The following SPATC1L variants were observed in gnomAD, a reference collection of about 807,000 sequenced individuals.
SPATC1L encodes speriolin-like protein.
A neutral mutation model predicts 21.2 loss-of-function variants in SPATC1L; 20 were observed. The observed-to-expected ratio is 0.94, with a 90% confidence interval of 0.66 to 1.37. The LOEUF (loss-of-function observed/expected upper bound fraction) is 1.37, where lower values mean the gene tolerates loss of function less well. SPATC1L is among the 40% of genes most tolerant of loss of function. The pLI, the probability that SPATC1L is intolerant of heterozygous loss-of-function variation, is 0.00. For missense variants in SPATC1L, 499 were observed against 478.7 expected (o/e 1.04, Z -0.40); for synonymous variants, 290 against 234.5 (o/e 1.24, Z -2.16).
chr21:46,173,255 C>T (rs1444100985), intron 2 of SPATC1L, among the ~76,000 whole-genome samples: 2 of 152,184 alleles, frequency 1.3e-5, no homozygotes, highest in Admixed American at 6.5e-5. Context: ...CCTGGCCATG[C>T]CTGCTTGCAG....
chr21:46,181,785 G>A lies in SPATC1L; in HGVS notation c.193+839C>T, dbSNP rs933828682. ...ACCACGTCCTTTCCGGGCCCGGCCC[G>A]GTGGGAAGCTGAGGTTGGCCGTGGG... is the stretch of plus-strand genomic sequence containing the variant. On this transcript the variant is annotated intron_variant, in intron 2 of 4. Transcript: ENST00000291672. 3.9e-5 allele frequency among the ~76,000 whole-genome samples: 6 copies of A among 152,152 alleles called. No individual in the cohort carries two copies. In the South Asian group the frequency reaches 8.3e-4, roughly 21 times the overall value.
At position 46,168,481 on chromosome 21, in the gene SPATC1L, T is replaced by C; in HGVS notation, c.371A>G (p.His124Arg). The change falls in exon 3 of 5, where the codon CAT becomes CGT. Residue 124 changes from histidine (H) to arginine (R), a missense_variant. Transcript: ENST00000291672. ...CTTCCTGTCGGTGCCTCGGTGGCTA[T>C]GTGGCTCTGGGGGACTGAGGAAGGC... Reference protein sequence around the residue: ...FKAFLSPPEPHSHRGTDRKLS... With the variant: ...FKAFLSPPEPRSHRGTDRKLS... The C allele has an allele frequency of 2.5e-6, 4 of 1,574,388 alleles. No homozygotes were observed. Among genetic ancestry groups the C allele is most frequent in the East Asian group, 2.4e-5 (1 of 42,302 alleles).
chr21:46,182,879 G>A lies in SPATC1L; in HGVS notation c.-63C>T. 1 of 1,433,290 alleles carries A rather than the reference G, an allele frequency of 7.0e-7. No individual in the cohort carries two copies. 88.8% of individuals were successfully genotyped at this position (1,433,290 alleles called of 1,614,324 possible). ...AGCCCCATGGAGGTGGGAGCCCAGA[G>A]CCCGCAGGCACCACAGAAACAGCCC... On this transcript the variant is annotated 5_prime_UTR_variant, in exon 2 of 5. Transcript: ENST00000291672.
In SPATC1L at chr21:46,168,532, G is replaced by A. The variant is rs751705498; in HGVS notation, c.320C>T (p.Ala107Val). 1 of 1,530,464 alleles carries A rather than the reference G, an allele frequency of 6.5e-7. No individual in the cohort carries two copies. Among genetic ancestry groups the A allele is most frequent in the Non-Finnish European group, 8.8e-7 (1 of 1,130,756 alleles). The allele number at this position is 1,530,464 out of a possible 1,614,324, so 94.8% of individuals were successfully genotyped here. ...SSEDDTSPGC[A>V]APSQAPFKAF... The stretch of plus-strand genomic sequence containing the variant: ...CTTGAAGGGTGCCTGGGAGGGGGCT[G>A]CACAGCCCGGGGAGGTGTCGTCCTC... Residue 107 changes from alanine (A) to valine (V), a missense_variant, in exon 3 of 5, where the codon GCA (alanine) becomes GTA (valine). Physicochemically the swap from Ala to Val is moderately conservative, Grantham distance 64. Coordinates refer to ENST00000291672, the MANE Select transcript of SPATC1L (RefSeq NM_001142854.2).
Position 46,163,414 on chromosome 21 carries a change from T to C in SPATC1L, c.545-1347A>G, listed in dbSNP as rs539149569. On this transcript the variant is annotated intron_variant, in intron 3 of 4. Transcript: ENST00000291672. ...TTTTGATGTGATCTCTAAGAATCCA[T>C]TGCCAAATCCAAGGTCACGAAGATT... Among the ~76,000 whole-genome samples the C allele has an allele frequency of 6.6e-5, 10 of 152,338 alleles. No homozygotes were observed. In the East Asian group the frequency reaches 7.7e-4, roughly 12 times the overall value.
chr21:46,175,272 A>G (rs2079624062), intron 2 of SPATC1L, among the ~76,000 whole-genome samples: 1 of 152,194 alleles, frequency 6.6e-6, no homozygotes, highest in African/African-American at 2.4e-5. Context: ...AGAGCAAACA[A>G]ATCCCAAAGC....
At position 46,161,387 on chromosome 21, in the gene SPATC1L, C is replaced by T. The variant is rs559670239; in HGVS notation, c.1015G>A (p.Ala339Thr). Reference sequence around the variant, plus strand: ...GGCGGGCGCGGGGCGGCTCACCAGGCGAAGAGGGGCTTGCCGTCCTCCTTG... The same window carrying T: ...GGCGGGCGCGGGGCGGCTCACCAGGTGAAGAGGGGCTTGCCGTCCTCCTTG... Reference protein sequence around the residue: ...LSKEDGKPLFAW With the variant: ...LSKEDGKPLFTW Residue 339 changes from alanine (A) to threonine (T), a missense_variant, in exon 5 of 5, where the codon GCC becomes ACC. By Grantham distance (58) the Ala-to-Thr change is moderately conservative. Coordinates refer to ENST00000291672, the MANE Select transcript of SPATC1L (RefSeq NM_001142854.2). 70 of 1,517,306 alleles carry T rather than the reference C, an allele frequency of 4.6e-5. No homozygotes were observed. In the African/African-American group the frequency reaches 5.2e-4, roughly 11 times the overall value. The allele number at this position is 1,517,306 out of a possible 1,614,324, so 94.0% of individuals were successfully genotyped here. A position where few individuals can be genotyped will look rare whatever the true frequency, so the allele number is the denominator to read the frequency against.
At chr21:46,178,283 G>A (rs1296525700) in intron 2 of SPATC1L, among the ~76,000 whole-genome samples, 1 of 146,890 alleles carries the variant, frequency 6.8e-6, no homozygotes, top group Non-Finnish European at 1.5e-5. Context: ...TCCTTTGCAT[G>A]AACATGGATG....
At chr21:46,173,891 G>A (rs2079610567) in intron 2 of SPATC1L, among the ~76,000 whole-genome samples, 1 of 152,146 alleles carries the variant, frequency 6.6e-6, no homozygotes, top group Admixed American at 6.5e-5. Flanking sequence ...AGGAGCCAGA[G>A]AACAAAGTCA....
chr21:46,170,248 C>A (rs2079575734), intron 2 of SPATC1L, among the ~76,000 whole-genome samples: 1 of 144,430 alleles, frequency 6.9e-6, no homozygotes, highest in Non-Finnish European at 1.5e-5. Context: ...GAGGAGCCCC[C>A]TGCTCTGTGA....
In SPATC1L at chr21:46,183,600, T is replaced by TA. The variant is rs2079698630; in HGVS notation, c.-785_-784insT. The TA allele has an allele frequency of 1.9e-5, 1 of 51,810 alleles. No individual in the cohort carries two copies. Among genetic ancestry groups the TA allele is most frequent in the South Asian group, 5.4e-4 (1 of 1,868 alleles). The allele number at this position is 51,810 out of a possible 1,614,324, so 3.2% of individuals were successfully genotyped here. A position where few individuals can be genotyped will look rare whatever the true frequency, so the allele number is the denominator to read the frequency against. On this transcript the variant is annotated 5_prime_UTR_variant, in exon 2 of 5. Transcript: ENST00000291672. ...GACCAGCCTGGTGAGGAGACCAGCCTGGGGGAGGAGACCAGCCTTGTGGGG... is the reference window on the plus strand; with the variant it reads ...GACCAGCCTGGTGAGGAGACCAGCCTAGGGGGAGGAGACCAGCCTTGTGGGG...
intron 2 of SPATC1L, among the ~76,000 whole-genome samples, chr21:46,172,552 C>A (rs531562172): frequency 2.0e-4 from 31 of 152,352 alleles, no homozygotes; most frequent in African/African-American, 7.5e-4. Flanking sequence ...GTTGGTCCTT[C>A]CCACAGCTGG....
In SPATC1L at chr21:46,174,917, T is replaced by C. The variant is rs906783039; in HGVS notation, c.194-6259A>G. ...TTCAATCACATAATTGGAAGTAAAA[T>C]ACTCCTCAGCAAATGCAAAACAACT... is the stretch of plus-strand genomic sequence containing the variant. On this transcript the variant is annotated intron_variant, in intron 2 of 4. Transcript: ENST00000291672. Among the ~76,000 whole-genome samples, 4 of 152,094 alleles carry C rather than the reference T, an allele frequency of 2.6e-5. No homozygotes were observed. In the South Asian group the frequency reaches 6.2e-4, roughly 24 times the overall value.
At chr21:46,166,063 A>G (rs1321188011) in intron 3 of SPATC1L, among the ~76,000 whole-genome samples, 1 of 152,190 alleles carries the variant, frequency 6.6e-6, no homozygotes, top group African/African-American at 2.4e-5. Flanking sequence ...ATCTTTATCA[A>G]TAATAACTTT....
intron 2 of SPATC1L, among the ~76,000 whole-genome samples, chr21:46,180,400 G>C (rs1283281160): frequency 6.6e-6 from 1 of 152,224 alleles, no homozygotes; most frequent in Non-Finnish European, 1.5e-5. Flanking sequence ...GGAGGGGGCC[G>C]GAGGCGTGGC....
intron 3 of SPATC1L, among the ~76,000 whole-genome samples, chr21:46,164,665 G>A (rs1355459873): frequency 2.6e-5 from 4 of 151,954 alleles, no homozygotes; most frequent in Non-Finnish European, 4.4e-5. Flanking sequence ...GGTGGCGGGT[G>A]CCTGTAATCC....
intron 2 of SPATC1L, among the ~76,000 whole-genome samples, chr21:46,181,056 A>C (rs888568117): frequency 9.2e-5 from 14 of 152,222 alleles, no homozygotes; most frequent in African/African-American, 3.4e-4. Context: ...CACTCTGTCC[A>C]GCCCTGAGGT....
chr21:46,183,011 C>G lies in SPATC1L; in HGVS notation c.-195G>C. On this transcript the variant is annotated 5_prime_UTR_variant, in exon 2 of 5. Coordinates refer to ENST00000291672, the MANE Select transcript of SPATC1L (RefSeq NM_001142854.2). ...CTGCCCCCGCGATGGCTCATGGCCCCGTTGAGGCAGTGAAGCTGGAGGCCC... is the reference window on the plus strand; with the variant it reads ...CTGCCCCCGCGATGGCTCATGGCCCGGTTGAGGCAGTGAAGCTGGAGGCCC... 1 of 574,134 alleles carries G rather than the reference C, an allele frequency of 1.7e-6. No homozygotes were observed. 35.6% of individuals were successfully genotyped at this position (574,134 alleles called of 1,614,324 possible). A position where few individuals can be genotyped will look rare whatever the true frequency, so the allele number is the denominator to read the frequency against.
chr21:46,161,973 C>CG lies in SPATC1L; in HGVS notation c.638dup (p.Val215ArgfsTer?), dbSNP rs1568995856. ...TGAAGCCGTAGAGCCGCGTCACGCC[C>CG]GGGAACACGTAGGCCAGGATGCGGC... On this transcript the variant is annotated frameshift_variant, in exon 4 of 5. Transcript: ENST00000291672. LOFTEE classifies it high-confidence loss of function. 6.2e-7 allele frequency: 1 copy of CG among 1,607,810 alleles called. No homozygotes were observed. Among genetic ancestry groups the CG allele is most frequent in the South Asian group, 1.1e-5 (1 of 90,692 alleles).
Sources: gnomAD v4.1 joint callset for allele counts (sites outside exome capture counted in the v4.1 genomes callset) on GRCh38, gnomAD v4.1.1 for gene constraint, MANE v1.5 for transcripts, NCBI Gene and HGNC (gene_info 2026-07-23, HGNC 2026-07-21) for gene names.